Variants in CD163L1 observed in about 807,000 individuals in gnomAD.
The protein encoded by CD163L1 is scavenger receptor cysteine-rich type 1 protein M160.
Under a neutral mutation model 165.4 loss-of-function variants are expected in CD163L1, and 124 were observed. The ratio of observed to expected loss-of-function variants is 0.75; its 90% confidence interval spans 0.65 to 0.87. CD163L1 has a LOEUF of 0.87. Ranked by LOEUF, CD163L1 falls within the 40% of genes least tolerant of loss-of-function variation. The probability of loss-of-function intolerance (pLI) is 0.00; values close to 1 mark genes in which losing one functional copy is unlikely to be tolerated. For missense variants in CD163L1, 1,525 were observed against 1,799.9 expected (o/e 0.85, Z 2.76); for synonymous variants, 585 against 662.2 (o/e 0.88, Z 1.79).
chr12:7,380,379 ATGTG>A, intron 8 of CD163L1, among the ~76,000 whole-genome samples: 1 of 140,626 alleles, frequency 7.1e-6, no homozygotes, highest in East Asian at 2.1e-4. Flanking sequence ...ACATACATGT[ATGTG>A]TGTATATGCG....
chr12:7,392,614 C>CA (rs1386020600), intron 8 of CD163L1, among the ~76,000 whole-genome samples: 1 of 152,010 alleles, frequency 6.6e-6, no homozygotes, highest in Non-Finnish European at 1.5e-5. Context: ...AAAAAACCTT[C>CA]AAAAAATCAA....
At chr12:7,344,285 C>T (rs73270572), downstream of CD163L1, among the ~76,000 whole-genome samples, 4,574 of 152,134 alleles carry the variant, frequency 0.03, 241 homozygotes, top group African/African-American at 0.1. Flanking sequence ...CCAGGCTGGT[C>T]TCTAACTCCT....
chr12:7,351,604 G>T (rs1256019417), downstream of CD163L1, among the ~76,000 whole-genome samples: 1 of 151,980 alleles, frequency 6.6e-6, no homozygotes, highest in Non-Finnish European at 1.5e-5. Context: ...CAGAGGTTAG[G>T]GATTCAACAT....
intron 4 of CD163L1, among the ~76,000 whole-genome samples, chr12:7,424,692 TAGAC>T (rs1948509404): frequency 1.3e-5 from 2 of 151,864 alleles, no homozygotes; most frequent in Non-Finnish European, 2.9e-5. Flanking sequence ...ACACCAATAA[TAGAC>T]AAACAGAGAG....
chr12:7,392,518 G>T (rs763452089), intron 8 of CD163L1, among the ~76,000 whole-genome samples: 15 of 152,108 alleles, frequency 9.9e-5, no homozygotes, highest in Non-Finnish European at 1.9e-4. Context: ...AAAAGAACTA[G>T]AGAAGCAAGA....
chr12:7,330,239 G>T, the CD163L1 span, among the ~76,000 whole-genome samples: 1 of 152,146 alleles, frequency 6.6e-6, no homozygotes, highest in Non-Finnish European at 1.5e-5. Context: ...CTAGCTAGGA[G>T]GCTAAAAATA....
intron 4 of CD163L1, among the ~76,000 whole-genome samples, chr12:7,430,697 T>A (rs1424509724): frequency 6.6e-6 from 1 of 152,138 alleles, no homozygotes; most frequent in Non-Finnish European, 1.5e-5. Flanking sequence ...GAATAGGATA[T>A]GTTTATATTT....
the CD163L1 span, among the ~76,000 whole-genome samples, chr12:7,331,220 T>C: frequency 1 from 151,856 of 152,352 alleles, 75,683 homozygotes; most frequent in Middle Eastern, 1. Context: ...AACTGCAAGA[T>C]GGCAGCGAGG....
chr12:7,400,595 AC>A lies in CD163L1; in HGVS notation c.1409-2012del, dbSNP rs1161286415. Among the ~76,000 whole-genome samples, 3 of 152,054 alleles carry A rather than the reference AC, an allele frequency of 2.0e-5. No homozygotes were observed. Among genetic ancestry groups the A allele is most frequent in the Non-Finnish European group, 4.4e-5 (3 of 68,002 alleles). ...TTTACAGGTGCAATCATAGCACCTT[AC>A]AGTCTCTATCTCCTGGGCTCAAGTG... On this transcript the variant is annotated intron_variant, in intron 6 of 19. Coordinates refer to ENST00000313599, the MANE Select transcript of CD163L1 (RefSeq NM_174941.6). The surrounding 1 kb of genome is among the most constrained non-coding windows in gnomAD (Gnocchi z 4.1).
In CD163L1 at chr12:7,432,412, T is replaced by C. The variant is rs1948644937; in HGVS notation, c.766+4A>G. On this transcript the variant is annotated splice_donor_region_variant and intron_variant, in intron 4 of 19. Coordinates refer to ENST00000313599, the MANE Select transcript of CD163L1 (RefSeq NM_174941.6). This position sits in a 1 kb window ranked among gnomAD's most constrained non-coding sequence, Gnocchi z 4.2. ...TTCTTCTACATGATGTCTTGGGTTCTTACCATAACAAGTTAATGTGACATC... is the reference window on the plus strand; with the variant it reads ...TTCTTCTACATGATGTCTTGGGTTCCTACCATAACAAGTTAATGTGACATC... The C allele has an allele frequency of 1.9e-6, 3 of 1,603,798 alleles. No individual in the cohort carries two copies. The highest frequency in any genetic ancestry group is 1.7e-5 in the Admixed American group (1 of 59,678).
intron 4 of CD163L1, among the ~76,000 whole-genome samples, chr12:7,421,466 T>C (rs1323828514): frequency 5.4e-5 from 5 of 92,876 alleles, no homozygotes; most frequent in Non-Finnish European, 7.6e-5. Context: ...CATATATACA[T>C]ATATATACAT....
At chr12:7,424,890 T>A (rs1450688589) in intron 4 of CD163L1, among the ~76,000 whole-genome samples, 1 of 152,016 alleles carries the variant, frequency 6.6e-6, no homozygotes, top group Non-Finnish European at 1.5e-5. Flanking sequence ...GATTCAATAC[T>A]GTGAAAATGG....
chr12:7,418,051 G>T (rs1206311712), intron 4 of CD163L1, among the ~76,000 whole-genome samples: 1 of 151,994 alleles, frequency 6.6e-6, no homozygotes, highest in Non-Finnish European at 1.5e-5. Context: ...CACTTTTACA[G>T]AAAATTTTAC....
At chr12:7,322,528 G>T in the CD163L1 span, 1 of 1,613,722 alleles carries the variant, frequency 6.2e-7, no homozygotes, top group Middle Eastern at 1.7e-4. Flanking sequence ...GAGGGCTATG[G>T]ACAGACGGAA....
At chr12:7,367,473 G>T in intron 17 of CD163L1, 142 bp from the exon 18 acceptor site, 1 of 475,456 alleles carries the variant, frequency 2.1e-6, no homozygotes, top group Non-Finnish European at 3.8e-6. Context: ...CCCTGCTAGT[G>T]AATTTTTTAC....
rs201226444 is a variant in CD163L1, at chr12:7,374,411, T to G, written c.3409+31A>C. 3.4e-5 allele frequency: 53 copies of G among 1,581,436 alleles called. No homozygotes were observed. In the Middle Eastern group the frequency reaches 8.5e-4, roughly 25 times the overall value. ...GTGTGCAAGTGTGTGCACGTGTGTG[T>G]AGAGGAGGGTGAAAAGGTAGCAGCA... On this transcript the variant is annotated intron_variant, in intron 13 of 19. Coordinates refer to ENST00000313599, the MANE Select transcript of CD163L1 (RefSeq NM_174941.6). The surrounding 1 kb of genome is among the most constrained non-coding windows in gnomAD (Gnocchi z 5.4).
Position 7,432,361 on chromosome 12 carries a change from A to C in CD163L1, c.766+55T>G, listed in dbSNP as rs1948644118. ...ATGATTGACCTTTTTCTTTCCATAC[A>C]TACTGTTTCTAAACAAATTGTTCCT... On this transcript the variant is annotated intron_variant, in intron 4 of 19. Coordinates refer to ENST00000313599, the MANE Select transcript of CD163L1 (RefSeq NM_174941.6). The surrounding 1 kb of genome is among the most constrained non-coding windows in gnomAD (Gnocchi z 4.2). 12 of 1,336,146 alleles carry C rather than the reference A, an allele frequency of 9.0e-6. No homozygotes were observed. In the South Asian group the frequency reaches 1.5e-4, roughly 16 times the overall value. 82.8% of individuals were successfully genotyped at this position (1,336,146 alleles called of 1,614,324 possible).
downstream of CD163L1, among the ~76,000 whole-genome samples, chr12:7,354,703 T>C (rs1045512825): frequency 6.6e-6 from 1 of 152,068 alleles, no homozygotes; most frequent in Non-Finnish European, 1.5e-5. Flanking sequence ...GCCAGCATGA[T>C]TCAGATCTGA....
chr12:7,373,210 G>A (rs1947179254), intron 14 of CD163L1, 110 bp downstream of exon 14: 10 of 866,842 alleles, frequency 1.2e-5, no homozygotes, highest in Non-Finnish European at 1.8e-5. Flanking sequence ...TTATTGTCAT[G>A]CACTTTTCAG....
Sources: allele counts gnomAD v4.1 joint callset (sites outside exome capture counted in the v4.1 genomes callset), GRCh38; gene constraint gnomAD v4.1.1; non-coding constraint Gnocchi (gnomAD v3.1); transcripts MANE v1.5; gene names NCBI Gene and HGNC (gene_info 2026-07-23, HGNC 2026-07-21).